Variants in FOXK1 observed in about 807,000 individuals in gnomAD.
The protein encoded by FOXK1 is forkhead box protein K1.
Under a neutral mutation model 51.9 loss-of-function variants are expected in FOXK1, and 19 were observed. The observed-to-expected ratio is 0.37, with a 90% CI of 0.26 to 0.54. The LOEUF (loss-of-function observed/expected upper bound fraction) is 0.54. FOXK1 is among the 20% of genes least tolerant of loss of function. The pLI is 0.87. For synonymous variants in FOXK1, 537 were observed against 482.6 expected (o/e 1.11, Z -1.48); for missense variants, 870 against 1,032.7 (o/e 0.84, Z 2.16).
intron 1 of FOXK1, among the ~76,000 whole-genome samples, chr7:4,720,902 A>G (rs1432629844): frequency 4.0e-5 from 6 of 151,136 alleles, no homozygotes; most frequent in Admixed American, 1.3e-4. Flanking sequence ...TATTTTTAGT[A>G]TAGACGGGGA....
In FOXK1 at chr7:4,754,036, T is replaced by C. The variant is rs141892375; in HGVS notation, c.747-423T>C. 5.4e-4 allele frequency among the ~76,000 whole-genome samples: 83 copies of C among 152,296 alleles called. 1 individual carries two copies. The East Asian group carries it at 0.011, about 21-fold the overall frequency. Reference sequence around the variant, plus strand: ...CCTCTGTGACCACACGGGGTTGTCCTGGGCCCGAGCCTTTTCCCACAGCGC... The same window carrying C: ...CCTCTGTGACCACACGGGGTTGTCCCGGGCCCGAGCCTTTTCCCACAGCGC... On this transcript the variant is annotated intron_variant, in intron 2 of 8. Transcript: ENST00000328914.
rs545088249 is a variant in FOXK1 at position 4,766,163 on chromosome 7, C to T, written c.*3699C>T. On this transcript the variant is annotated 3_prime_UTR_variant, in exon 9 of 9. Transcript: ENST00000328914. The surrounding 1 kb of genome is among the most constrained non-coding windows in gnomAD (Gnocchi z 5.5). ...CTTTGAGGGACCCAGATGGACCATCCCTCTTCTGCTTGCTTTCTACATTCC... is the reference window on the plus strand; with the variant it reads ...CTTTGAGGGACCCAGATGGACCATCTCTCTTCTGCTTGCTTTCTACATTCC... 13 of 152,324 alleles carry T rather than the reference C, an allele frequency of 8.5e-5. No individual in the cohort carries two copies. The highest frequency in any genetic ancestry group is 8.5e-4 in the Admixed American group (13 of 15,298). The allele number at this position is 152,324 out of a possible 1,614,324, so 9.4% of individuals were successfully genotyped here.
rs1781082342 is a variant in FOXK1 at position 4,770,417 on chromosome 7, G to C, written c.*7953G>C. On this transcript the variant is annotated 3_prime_UTR_variant, in exon 9 of 9. Coordinates refer to ENST00000328914, the MANE Select transcript of FOXK1 (RefSeq NM_001037165.2). ...GTGGTGGCGTGTGCCTGTAATCCCA[G>C]CTACCAGGGAGGCTGAGGCATGAGA... The C allele has an allele frequency of 6.6e-6, 1 of 152,170 alleles. No homozygotes were observed. Among genetic ancestry groups the C allele is most frequent in the Non-Finnish European group, 1.5e-5 (1 of 68,056 alleles). 9.4% of individuals were successfully genotyped at this position (152,170 alleles called of 1,614,324 possible).
rs188779649 is a variant in FOXK1, at chr7:4,734,854, G to A, written c.561-5984G>A. On this transcript the variant is annotated intron_variant, in intron 1 of 8. Coordinates refer to ENST00000328914, the MANE Select transcript of FOXK1 (RefSeq NM_001037165.2). This position sits in a 1 kb window ranked among gnomAD's most constrained non-coding sequence, Gnocchi z 5.2. ...ATCCAGAAAGTAAACCCGTCCTTCC[G>A]CTGGGAGAGACGGGGCGAGGGGACA... 3.9e-3 allele frequency among the ~76,000 whole-genome samples: 589 copies of A among 152,294 alleles called. 5 individuals carry two copies. Among genetic ancestry groups the A allele is most frequent in the African/African-American group, 0.013 (554 of 41,560 alleles).
chr7:4,749,980 C>T lies in FOXK1; in HGVS notation c.747-4479C>T, dbSNP rs376415791. 6.6e-6 allele frequency among the ~76,000 whole-genome samples: 1 copy of T among 152,226 alleles called. No individual in the cohort carries two copies. Among genetic ancestry groups the T allele is most frequent in the Non-Finnish European group, 1.5e-5 (1 of 68,040 alleles). Reference sequence around the variant, plus strand: ...TCCCAGTGGCACCTTCTAGGCCCGGCCCCTGGATGCGGTGGAGGCTGCCCG... The same window carrying T: ...TCCCAGTGGCACCTTCTAGGCCCGGTCCCTGGATGCGGTGGAGGCTGCCCG... On this transcript the variant is annotated intron_variant, in intron 2 of 8. Transcript: ENST00000328914. The surrounding 1 kb of genome is among the most constrained non-coding windows in gnomAD (Gnocchi z 6.0).
rs374105608 is a variant in FOXK1, at chr7:4,703,205, G to A, written c.560+20337G>A. ...TTTCTGAGGAAGTGCTGTTTTAGCC[G>A]AGGTCTAAGTTACAGGCAGGAGCTG... On this transcript the variant is annotated intron_variant, in intron 1 of 8. Transcript: ENST00000328914. This position sits in a 1 kb window ranked among gnomAD's most constrained non-coding sequence, Gnocchi z 5.6. Among the ~76,000 whole-genome samples, 35 of 152,212 alleles carry A rather than the reference G, an allele frequency of 2.3e-4. 1 individual carries two copies. The South Asian group carries it at 6.2e-3, about 27-fold the overall frequency.
Position 4,734,454 on chromosome 7 carries a change from C to G in FOXK1, c.561-6384C>G, listed in dbSNP as rs1009398245. ...CTGTGGCTTCCACCACTCCCCAGAT[C>G]GTCTGCTTCCTCCTTGCCCCTCAAA... is the stretch of plus-strand genomic sequence containing the variant. On this transcript the variant is annotated intron_variant, in intron 1 of 8. Transcript: ENST00000328914. This position sits in a 1 kb window ranked among gnomAD's most constrained non-coding sequence, Gnocchi z 5.2. Among the ~76,000 whole-genome samples, 9 of 152,314 alleles carry G rather than the reference C, an allele frequency of 5.9e-5. No homozygotes were observed. Among genetic ancestry groups the G allele is most frequent in the Middle Eastern group, 3.4e-3 (1 of 292 alleles).
intron 1 of FOXK1, among the ~76,000 whole-genome samples, chr7:4,708,729 C>T (rs1484903899): frequency 6.6e-6 from 1 of 152,084 alleles, no homozygotes; most frequent in Non-Finnish European, 1.5e-5. Flanking sequence ...CTTCTCAGAG[C>T]CTGGTTGGAT....
chr7:4,685,908 A>G (rs1024503757), intron 1 of FOXK1, among the ~76,000 whole-genome samples: 1 of 151,452 alleles, frequency 6.6e-6, no homozygotes, highest in Non-Finnish European at 1.5e-5. Flanking sequence ...ACGCCACTGC[A>G]CTCCAGCCTG....
intron 1 of FOXK1, among the ~76,000 whole-genome samples, chr7:4,738,029 G>A (rs1430143022): frequency 6.6e-6 from 1 of 151,960 alleles, no homozygotes; most frequent in African/African-American, 2.4e-5. Context: ...GGCTGAGGCA[G>A]GAGAATCACT....
intron 2 of FOXK1, among the ~76,000 whole-genome samples, chr7:4,742,346 C>T (rs974266518): frequency 6.6e-6 from 1 of 152,216 alleles, no homozygotes; most frequent in Non-Finnish European, 1.5e-5. Flanking sequence ...TCTGCGCACT[C>T]TGCTGAACCC....
At chr7:4,690,119 G>A (rs1024980720) in intron 1 of FOXK1, among the ~76,000 whole-genome samples, 4 of 152,176 alleles carry the variant, frequency 2.6e-5, no homozygotes, top group African/African-American at 7.2e-5. Flanking sequence ...AGACAAAGAC[G>A]GGCATCAGGT....
intron 1 of FOXK1, among the ~76,000 whole-genome samples, chr7:4,684,393 A>G (rs1779792950): frequency 6.6e-6 from 1 of 152,174 alleles, no homozygotes; most frequent in African/African-American, 2.4e-5. Flanking sequence ...ATGTTTGGTT[A>G]CAGATATCGC....
rs562987299 is a variant in FOXK1, at chr7:4,749,889, C to T, written c.747-4570C>T. ...GACTTCTCATCATAACGTGACCCAG[C>T]GACCTGTGTGTCCCACAGCCCGTCC... On this transcript the variant is annotated intron_variant, in intron 2 of 8. Coordinates refer to ENST00000328914, the MANE Select transcript of FOXK1 (RefSeq NM_001037165.2). This position sits in a 1 kb window ranked among gnomAD's most constrained non-coding sequence, Gnocchi z 6.0. Among the ~76,000 whole-genome samples, 2 of 152,306 alleles carry T rather than the reference C, an allele frequency of 1.3e-5. No individual in the cohort carries two copies. Among genetic ancestry groups the T allele is most frequent in the South Asian group, 2.1e-4 (1 of 4,824 alleles).
rs538698881 is a variant in FOXK1 at position 4,762,329 on chromosome 7, C to T, written c.2067C>T (p.Thr689=). The change falls in exon 9 of 9, where the codon ACC becomes ACT. Residue 689 remains threonine (T), a synonymous_variant. Coordinates refer to ENST00000328914, the MANE Select transcript of FOXK1 (RefSeq NM_001037165.2). This position sits in a 1 kb window ranked among gnomAD's most constrained non-coding sequence, Gnocchi z 5.7. ...CCACCACCCCAGCCACTGCCACCAC[C>T]GCCTCTGCCTCCGCCTCTTCCACTG... ...TATTTPATAT[T]ASASASSTGE... 209 of 1,550,894 alleles carry T rather than the reference C, an allele frequency of 1.3e-4. No homozygotes were observed. Among genetic ancestry groups the T allele is most frequent in the African/African-American group, 7.5e-4 (55 of 73,168 alleles).
rs1470759927 is a variant in FOXK1 at position 4,747,709 on chromosome 7, T to C, written c.746+6686T>C. Among the ~76,000 whole-genome samples the C allele has an allele frequency of 6.6e-6, 1 of 151,752 alleles. No individual in the cohort carries two copies. The highest frequency in any genetic ancestry group is 1.9e-4 in the East Asian group (1 of 5,170). On this transcript the variant is annotated intron_variant, in intron 2 of 8. Transcript: ENST00000328914. This position sits in a 1 kb window ranked among gnomAD's most constrained non-coding sequence, Gnocchi z 9.2. ...CACCACCACACACACCCAGCTCATT[T>C]TTTATTTTCGTTGAGATGGTGTCTT...
rs569779232 is a variant in FOXK1 at position 4,709,700 on chromosome 7, T to A, written c.560+26832T>A. 6.6e-6 allele frequency among the ~76,000 whole-genome samples: 1 copy of A among 152,230 alleles called. No homozygotes were observed. The highest frequency in any genetic ancestry group is 1.5e-5 in the Non-Finnish European group (1 of 68,026). On this transcript the variant is annotated intron_variant, in intron 1 of 8. Coordinates refer to ENST00000328914, the MANE Select transcript of FOXK1 (RefSeq NM_001037165.2). This position sits in a 1 kb window ranked among gnomAD's most constrained non-coding sequence, Gnocchi z 5.6. ...CATGATACAAAACGTCAAATTGCGTTTTACGCCATTGGTTTGGACCCTGGA... is the reference window on the plus strand; with the variant it reads ...CATGATACAAAACGTCAAATTGCGTATTACGCCATTGGTTTGGACCCTGGA...
chr7:4,703,527 A>T lies in FOXK1; in HGVS notation c.560+20659A>T, dbSNP rs1780046254. ...CGACCCTGCTGCGCGGGAGGGAAAG[A>T]GCCACAACAAGTTGAAGGTGCCCAG... On this transcript the variant is annotated intron_variant, in intron 1 of 8. Coordinates refer to ENST00000328914, the MANE Select transcript of FOXK1 (RefSeq NM_001037165.2). This position sits in a 1 kb window ranked among gnomAD's most constrained non-coding sequence, Gnocchi z 5.6. Among the ~76,000 whole-genome samples, 1 of 152,238 alleles carries T rather than the reference A, an allele frequency of 6.6e-6. No individual in the cohort carries two copies. The highest frequency in any genetic ancestry group is 1.5e-5 in the Non-Finnish European group (1 of 68,032).
At position 4,687,539 on chromosome 7, in the gene FOXK1, C is replaced by T. The variant is rs192791553; in HGVS notation, c.560+4671C>T. Among the ~76,000 whole-genome samples the T allele has an allele frequency of 5.3e-5, 8 of 152,236 alleles. 1 individual carries two copies. The highest frequency in any genetic ancestry group is 7.2e-5 in the African/African-American group (3 of 41,552). The stretch of plus-strand genomic sequence containing the variant: ...AACTCCTGACCTCAGGTGATCCACC[C>T]GCCTTGGCCTCTCAAAAGTGCTAGG... On this transcript the variant is annotated intron_variant, in intron 1 of 8. Coordinates refer to ENST00000328914, the MANE Select transcript of FOXK1 (RefSeq NM_001037165.2).
Sources: gnomAD v4.1 joint callset for allele counts (sites outside exome capture counted in the v4.1 genomes callset) on GRCh38, gnomAD v4.1.1 for gene constraint, Gnocchi (gnomAD v3.1) non-coding constraint, MANE v1.5 for transcripts, NCBI Gene and HGNC (gene_info 2026-07-23, HGNC 2026-07-21) for gene names.